UNC13B: variants seen among roughly 807,000 people sequenced by gnomAD.
UNC13B encodes unc-13 homolog B, also known as protein unc-13 homolog B.
In UNC13B, 144 loss-of-function variants were observed where a neutral mutation model predicts 211.0. That is an observed-to-expected ratio of 0.68 (90% confidence interval 0.60 to 0.78). The LOEUF is 0.78. UNC13B is among the 30% of genes least tolerant of loss of function. The pLI is 0.00. For synonymous variants in UNC13B, 709 were observed against 725.8 expected (o/e 0.98, Z 0.37); for missense variants, 1,777 against 2,002.0 (o/e 0.89, Z 2.14).
At chr9:35,174,262 A>G (rs1821492358) in intron 1 of UNC13B, among the ~76,000 whole-genome samples, 1 of 150,674 alleles carries the variant, frequency 6.6e-6, no homozygotes, top group Non-Finnish European at 1.5e-5. Context: ...GGCTCAGGTG[A>G]TTCTCCTACC....
intron 4 of UNC13B, among the ~76,000 whole-genome samples, chr9:35,236,826 A>G (rs887795645): frequency 6.6e-6 from 1 of 152,170 alleles, no homozygotes; most frequent in Non-Finnish European, 1.5e-5. Flanking sequence ...CTTCAGCCTT[A>G]TCAGGTAGAT....
intron 11 of UNC13B, among the ~76,000 whole-genome samples, chr9:35,341,160 A>G (rs75320061): frequency 0.02 from 3,091 of 152,256 alleles, 97 homozygotes; most frequent in African/African-American, 0.07. Flanking sequence ...CTTCGTTCCT[A>G]ATTCTGGATT....
intron 36 of UNC13B, 141 bp from the exon 37 acceptor site, chr9:35,400,155 C>A: frequency 1.6e-6 from 2 of 1,216,706 alleles, no homozygotes; most frequent in Non-Finnish European, 1.1e-6. Flanking sequence ...TAATACTCAT[C>A]CAAGAGCCTA....
intron 1 of UNC13B, among the ~76,000 whole-genome samples, chr9:35,180,315 T>C (rs1821863806): frequency 6.6e-6 from 1 of 152,204 alleles, no homozygotes; most frequent in African/African-American, 2.4e-5. Context: ...CTGTATTCTT[T>C]TTAAGTTGTG....
At chr9:35,168,923 T>C (rs891021451) in intron 1 of UNC13B, among the ~76,000 whole-genome samples, 4 of 152,102 alleles carry the variant, frequency 2.6e-5, no homozygotes, top group Non-Finnish European at 5.9e-5. Flanking sequence ...TCTGCCTGTC[T>C]CAGTCTCCTA....
At chr9:35,247,482 CTGTGGGT>C (rs1471138764) in intron 6 of UNC13B, among the ~76,000 whole-genome samples, 1 of 152,074 alleles carries the variant, frequency 6.6e-6, no homozygotes, top group Non-Finnish European at 1.5e-5. Context: ...ATGATATTGG[CTGTGGGT>C]TTGTCATAGA....
At chr9:35,388,785 T>C (rs1835344284) in intron 24 of UNC13B, among the ~76,000 whole-genome samples, 1 of 152,202 alleles carries the variant, frequency 6.6e-6, no homozygotes, top group African/African-American at 2.4e-5. Flanking sequence ...ATTTAAACTG[T>C]ATTGAACGCC....
intron 1 of UNC13B, among the ~76,000 whole-genome samples, chr9:35,185,574 T>C (rs2131322331): frequency 6.6e-6 from 1 of 152,272 alleles, no homozygotes; most frequent in Non-Finnish European, 1.5e-5. Context: ...GCTACAGCTT[T>C]TCTCAAATCC....
intron 11 of UNC13B, among the ~76,000 whole-genome samples, chr9:35,336,584 C>T (rs1160659839): frequency 1.3e-5 from 2 of 152,128 alleles, no homozygotes; most frequent in South Asian, 2.1e-4. Context: ...GCTGCCTTGA[C>T]GCCCTGGGCT....
At chr9:35,337,074 A>G (rs1209355909) in intron 11 of UNC13B, among the ~76,000 whole-genome samples, 3 of 151,998 alleles carry the variant, frequency 2.0e-5, no homozygotes, top group Non-Finnish European at 4.4e-5. Context: ...AACTTTGATA[A>G]CATGTAAAGA....
intron 8 of UNC13B, among the ~76,000 whole-genome samples, chr9:35,296,664 T>C (rs1219906008): frequency 6.6e-6 from 1 of 152,216 alleles, no homozygotes; most frequent in African/African-American, 2.4e-5. Context: ...AAACCCATAT[T>C]CATGTTGCCT....
intron 11 of UNC13B, among the ~76,000 whole-genome samples, chr9:35,339,451 C>T (rs1224881599): frequency 6.6e-6 from 1 of 152,218 alleles, no homozygotes; most frequent in Non-Finnish European, 1.5e-5. Flanking sequence ...CTGAGGAGTC[C>T]TGATGTCCTT....
At chr9:35,353,050 C>G (rs910237514) in intron 11 of UNC13B, 41 of 1,232,042 alleles carry the variant, frequency 3.3e-5, no homozygotes, top group Non-Finnish European at 4.1e-5. Context: ...AACTAGAGGA[C>G]CTTTTGGCAG....
intron 11 of UNC13B, among the ~76,000 whole-genome samples, chr9:35,347,656 G>A (rs1832448386): frequency 6.6e-6 from 1 of 152,232 alleles, no homozygotes; most frequent in Admixed American, 6.5e-5. Flanking sequence ...CAGGGCAGTG[G>A]CTACCAACTC....
chr9:35,385,118 A>G (rs1192275807), intron 22 of UNC13B: 57 of 985,352 alleles, frequency 5.8e-5, no homozygotes, highest in Non-Finnish European at 6.9e-5. Flanking sequence ...CAGGCTCAGC[A>G]TCTCCCTTCA....
At position 35,181,708 on chromosome 9, in the gene UNC13B, G is replaced by C. The variant is rs939311721; in HGVS notation, c.22+19403G>C. Among the ~76,000 whole-genome samples, 82 of 152,118 alleles carry C rather than the reference G, an allele frequency of 5.4e-4. 1 individual carries two copies. The highest frequency in any genetic ancestry group is 2.2e-4 in the Non-Finnish European group (15 of 67,988). ...AAAAATTAGCCTGGCATGGTGGTGCGGGCCTGTAGTTCCAGCTACTCGGGA... is the reference window on the plus strand; with the variant it reads ...AAAAATTAGCCTGGCATGGTGGTGCCGGCCTGTAGTTCCAGCTACTCGGGA... On this transcript the variant is annotated intron_variant, in intron 1 of 39. Coordinates refer to ENST00000635942, the MANE Select transcript of UNC13B (RefSeq NM_001371189.2).
intron 8 of UNC13B, among the ~76,000 whole-genome samples, chr9:35,299,298 G>A (rs1158843387): frequency 6.6e-6 from 1 of 152,096 alleles, no homozygotes; most frequent in Non-Finnish European, 1.5e-5. Context: ...TTTGACTTCT[G>A]CTGATAGTAA....
At chr9:35,236,005 G>GGA (rs1347790162) in intron 3 of UNC13B, among the ~76,000 whole-genome samples, 3 of 146,650 alleles carry the variant, frequency 2.0e-5, no homozygotes, top group Non-Finnish European at 3.0e-5. Context: ...CCCCACTGAG[G>GGA]TTTAATTGGG....
At chr9:35,353,123 C>G in intron 11 of UNC13B, 1 of 1,232,074 alleles carries the variant, frequency 8.1e-7, no homozygotes, top group Non-Finnish European at 1.0e-6. Flanking sequence ...TATCATAGGG[C>G]CTGAGACTTT....
Sources: gnomAD v4.1 joint callset for allele counts (sites outside exome capture counted in the v4.1 genomes callset) on GRCh38, gnomAD v4.1.1 for gene constraint, MANE v1.5 for transcripts, NCBI Gene and HGNC (gene_info 2026-07-23, HGNC 2026-07-21) for gene names.